The following MACROD2 variants were observed in gnomAD, a reference collection of about 807,000 sequenced individuals.
The protein encoded by MACROD2 is mono-ADP ribosylhydrolase 2, also known as ADP-ribose glycohydrolase MACROD2.
Under a neutral mutation model 70.4 loss-of-function variants are expected in MACROD2, and 36 were observed. That is an observed-to-expected ratio of 0.51 (90% confidence interval 0.39 to 0.68). The LOEUF is 0.68. Among genes scored for constraint, MACROD2 ranks in the 30% least tolerant of loss-of-function variants. The pLI is 0.00. For synonymous variants in MACROD2, 172 were observed against 178.8 expected, an observed-to-expected ratio of 0.96 and a Z score of 0.30; for missense variants, 496 against 538.4, an observed-to-expected ratio of 0.92 and a Z score of 0.78.
chr20:15,035,992 G>C (rs999231785), intron 5 of MACROD2, among the ~76,000 whole-genome samples: 34 of 152,116 alleles, frequency 2.2e-4, no homozygotes, highest in East Asian at 1.9e-4. Context: ...AAGGGGAATG[G>C]GGGGAGGATG....
At chr20:14,830,066 C>T (rs2072947101) in intron 5 of MACROD2, among the ~76,000 whole-genome samples, 1 of 152,048 alleles carries the variant, frequency 6.6e-6, no homozygotes, top group African/African-American at 2.4e-5. Context: ...AAAAATGATT[C>T]ATAACCATTG....
At chr20:15,569,336 A>G (rs999441094) in intron 8 of MACROD2, among the ~76,000 whole-genome samples, 10 of 152,226 alleles carry the variant, frequency 6.6e-5, no homozygotes, top group African/African-American at 1.9e-4. Flanking sequence ...TGAGTTATAT[A>G]TAAATGCTGT....
chr20:14,157,003 A>G (rs1474778064), intron 3 of MACROD2, among the ~76,000 whole-genome samples: 2 of 152,200 alleles, frequency 1.3e-5, no homozygotes, highest in Non-Finnish European at 2.9e-5. Context: ...CAACTCTTCT[A>G]GCTTTAAGAG....
chr20:14,005,908 C>T (rs2148612826), intron 2 of MACROD2, among the ~76,000 whole-genome samples: 1 of 152,132 alleles, frequency 6.6e-6, no homozygotes, highest in Admixed American at 6.5e-5. Flanking sequence ...CCTCTTTTTC[C>T]AAACTTTTAA....
intron 5 of MACROD2, among the ~76,000 whole-genome samples, chr20:14,918,750 A>C (rs1289774930): frequency 6.6e-6 from 1 of 152,006 alleles, no homozygotes; most frequent in Non-Finnish European, 1.5e-5. Flanking sequence ...TTTTCACTGA[A>C]GGTCATACTA....
chr20:15,270,745 C>A (rs928428290), intron 6 of MACROD2, among the ~76,000 whole-genome samples: 1 of 152,074 alleles, frequency 6.6e-6, no homozygotes, highest in Non-Finnish European at 1.5e-5. Flanking sequence ...ACTAGAAATA[C>A]CAGAATATTT....
intron 8 of MACROD2, among the ~76,000 whole-genome samples, chr20:15,530,847 G>T (rs1369819913): frequency 6.6e-6 from 1 of 151,940 alleles, no homozygotes; most frequent in Non-Finnish European, 1.5e-5. Flanking sequence ...GATTAGCAAG[G>T]TTGGCTATCA....
rs556322633 is a variant in MACROD2 at position 15,414,894 on chromosome 20, G to A, written c.541-16511G>A. On this transcript the variant is annotated intron_variant, in intron 6 of 17. Transcript: ENST00000684519. ...TAATTTCAGCCTGCCCCAGAGAAAC[G>A]GAATCAGAATTTGCATTTTAGCAAT... is the stretch of plus-strand genomic sequence containing the variant. 6.6e-5 allele frequency among the ~76,000 whole-genome samples: 10 copies of A among 152,266 alleles called. No homozygotes were observed. The South Asian group carries it at 8.3e-4, about 13-fold the overall frequency.
intron 11 of MACROD2, among the ~76,000 whole-genome samples, chr20:15,936,103 T>C (rs1044839214): frequency 2.0e-5 from 3 of 152,038 alleles, no homozygotes; most frequent in Admixed American, 6.6e-5. Flanking sequence ...ATATGAGTTA[T>C]CTTTAGTTCC....
intron 5 of MACROD2, among the ~76,000 whole-genome samples, chr20:14,720,563 T>G (rs1277574834): frequency 4.6e-5 from 5 of 108,060 alleles, no homozygotes; most frequent in African/African-American, 2.1e-4. Context: ...TTTTTTTTTT[T>G]TTTTTTTGTG....
intron 10 of MACROD2, among the ~76,000 whole-genome samples, chr20:15,924,645 A>G (rs569515740): frequency 1.3e-5 from 2 of 152,280 alleles, no homozygotes; most frequent in African/African-American, 4.8e-5. Flanking sequence ...AGCCTAATTT[A>G]TTCTCTCTCC....
intron 8 of MACROD2, among the ~76,000 whole-genome samples, chr20:15,655,215 G>A (rs902072566): frequency 3.3e-5 from 5 of 151,746 alleles, no homozygotes; most frequent in African/African-American, 1.2e-4. Context: ...ATGTGAAAAA[G>A]GACAACTCTG....
intron 5 of MACROD2, among the ~76,000 whole-genome samples, chr20:14,771,728 T>C (rs1229155472): frequency 2.1e-5 from 3 of 144,058 alleles, no homozygotes; most frequent in Non-Finnish European, 4.5e-5. Flanking sequence ...ACACACGTTA[T>C]ACTTATCCTA....
intron 5 of MACROD2, among the ~76,000 whole-genome samples, chr20:14,819,517 A>C (rs2072815541): frequency 6.6e-6 from 1 of 152,064 alleles, no homozygotes; most frequent in Non-Finnish European, 1.5e-5. Context: ...AAGACAGAGA[A>C]ACAAAACCTT....
chr20:15,714,090 A>T (rs943348477), intron 8 of MACROD2, among the ~76,000 whole-genome samples: 2 of 151,906 alleles, frequency 1.3e-5, no homozygotes, highest in African/African-American at 4.8e-5. Context: ...CAGAAATTCT[A>T]CCTGGCCCTA....
At chr20:14,750,041 A>G (rs76983636) in intron 5 of MACROD2, among the ~76,000 whole-genome samples, 4,018 of 152,264 alleles carry the variant, frequency 0.026, 214 homozygotes, top group African/African-American at 0.091. Context: ...ATACACTTCC[A>G]AATGCTTAAG....
chr20:15,219,195 CA>C (rs1469386145), intron 5 of MACROD2, among the ~76,000 whole-genome samples: 1 of 152,174 alleles, frequency 6.6e-6, no homozygotes, highest in African/African-American at 2.4e-5. Context: ...AATGATGTTG[CA>C]TTGGAAAAGT....
intron 3 of MACROD2, among the ~76,000 whole-genome samples, chr20:14,176,013 A>C (rs2081260603): frequency 6.6e-6 from 1 of 152,216 alleles, no homozygotes; most frequent in Non-Finnish European, 1.5e-5. Flanking sequence ...ATAGTTCAGC[A>C]TTAGTAGGGA....
At chr20:14,766,633 A>G (rs1163007101) in intron 5 of MACROD2, among the ~76,000 whole-genome samples, 1 of 152,174 alleles carries the variant, frequency 6.6e-6, no homozygotes, top group Non-Finnish European at 1.5e-5. Context: ...TATTGAAAGA[A>G]AAAGAAAAAT....
Sources: allele counts gnomAD v4.1 joint callset (sites outside exome capture counted in the v4.1 genomes callset), GRCh38; gene constraint gnomAD v4.1.1; transcripts MANE v1.5; gene names NCBI Gene and HGNC (gene_info 2026-07-23, HGNC 2026-07-21).